TSNARE1: variants seen among roughly 807,000 people sequenced by gnomAD.
The protein encoded by TSNARE1 is t-SNARE domain-containing protein 1.
Under a neutral mutation model 62.0 loss-of-function variants are expected in TSNARE1, and 49 were observed. The ratio of observed to expected loss-of-function variants is 0.79; its 90% confidence interval spans 0.63 to 1.00. The LOEUF (loss-of-function observed/expected upper bound fraction) is 1.00, where lower values mean the gene tolerates loss of function less well. Among genes scored for constraint, TSNARE1 ranks in the 50% least tolerant of loss-of-function variants. The pLI is 0.00. For missense variants in TSNARE1, 755 were observed against 700.1 expected (o/e 1.08, Z -0.88); for synonymous variants, 328 against 294.4 (o/e 1.11, Z -1.17).
At chr8:142,346,942 G>C (rs1024132031) in intron 2 of TSNARE1, among the ~76,000 whole-genome samples, 1 of 152,230 alleles carries the variant, frequency 6.6e-6, no homozygotes. Flanking sequence ...GGACCCCCAC[G>C]AGGTGGGCGA....
chr8:142,364,817 A>AT (rs1313858664), intron 1 of TSNARE1, among the ~76,000 whole-genome samples: 2 of 152,242 alleles, frequency 1.3e-5, no homozygotes, highest in African/African-American at 2.4e-5. Context: ...ATAAAAATTT[A>AT]TGAGTCCACA....
At chr8:142,349,134 C>A (rs796713875) in intron 2 of TSNARE1, among the ~76,000 whole-genome samples, 2 of 152,302 alleles carry the variant, frequency 1.3e-5, no homozygotes, top group African/African-American at 4.8e-5. Flanking sequence ...GCAGCCCCAG[C>A]GCGACGATTT....
chr8:142,284,537 C>A, intron 10 of TSNARE1, 52 bp from the exon 11 acceptor site: 1 of 1,439,356 alleles, frequency 6.9e-7, no homozygotes, highest in Non-Finnish European at 9.4e-7. Context: ...GGGCAGACAC[C>A]AAGGGCACCT....
At chr8:142,218,051 GGGCTC>G (rs879654515) in intron 13 of TSNARE1, among the ~76,000 whole-genome samples, 29 of 82,626 alleles carry the variant, frequency 3.5e-4, no homozygotes, top group Middle Eastern at 5.8e-3. Flanking sequence ...ACCAGGATCA[GGGCTC>G]AGAGTGTGAG....
intron 10 of TSNARE1, among the ~76,000 whole-genome samples, chr8:142,293,681 C>T (rs1472531662): frequency 2.0e-5 from 3 of 152,234 alleles, no homozygotes; most frequent in Non-Finnish European, 2.9e-5. Flanking sequence ...GCTGTCATCC[C>T]TCCCACCAGC....
intron 10 of TSNARE1, among the ~76,000 whole-genome samples, chr8:142,294,922 G>A (rs1241174615): frequency 1.3e-5 from 2 of 152,214 alleles, no homozygotes; most frequent in African/African-American, 2.4e-5. Context: ...CAGAGCCACT[G>A]GCCAGGAGGC....
chr8:142,287,464 T>C (rs374449763), intron 10 of TSNARE1, among the ~76,000 whole-genome samples: 1,198 of 16,846 alleles, frequency 0.071, no homozygotes, highest in Admixed American at 0.11. Flanking sequence ...ACCCAGGACC[T>C]CGGCCAGATC....
chr8:142,319,799 G>A lies in TSNARE1; in HGVS notation c.894-1165C>T, dbSNP rs1829194699. Among the ~76,000 whole-genome samples, 1 of 152,148 alleles carries A rather than the reference G, an allele frequency of 6.6e-6. No homozygotes were observed. The highest frequency in any genetic ancestry group is 1.5e-5 in the Non-Finnish European group (1 of 68,016). On this transcript the variant is annotated intron_variant, in intron 6 of 13. Coordinates refer to ENST00000524325, the MANE Select transcript of TSNARE1 (RefSeq NM_145003.5). The surrounding 1 kb of genome is among the most constrained non-coding windows in gnomAD (Gnocchi z 4.9). ...ACAGAGGAGTAAGACTGCCCCCCCA[G>A]AACAGGCACCCAGCAGGCTAGAGAG... is the stretch of plus-strand genomic sequence containing the variant.
chr8:142,266,430 C>T (rs1249671340), intron 12 of TSNARE1, among the ~76,000 whole-genome samples: 1 of 152,272 alleles, frequency 6.6e-6, no homozygotes, highest in East Asian at 1.9e-4. Context: ...GGTAAGCCCT[C>T]GCAGTTTTTA....
chr8:142,297,659 G>C (rs1308022964), intron 10 of TSNARE1, among the ~76,000 whole-genome samples: 1 of 152,238 alleles, frequency 6.6e-6, no homozygotes, highest in African/African-American at 2.4e-5. Flanking sequence ...CCCTGCGCAG[G>C]CTGCAAAGAT....
intron 1 of TSNARE1, among the ~76,000 whole-genome samples, chr8:142,385,208 A>G (rs1470828603): frequency 6.6e-6 from 1 of 152,144 alleles, no homozygotes; most frequent in East Asian, 1.9e-4. Flanking sequence ...AGGTCAAAAG[A>G]CAATACAGTG....
intron 12 of TSNARE1, among the ~76,000 whole-genome samples, chr8:142,256,048 G>A (rs149214412): frequency 0.019 from 88 of 4,602 alleles, 1 homozygote; most frequent in Non-Finnish European, 0.023. Flanking sequence ...CACCACCACC[G>A]TCACCATCAC....
intron 12 of TSNARE1, among the ~76,000 whole-genome samples, chr8:142,261,116 GGAGA>G (rs146360102): frequency 0.022 from 2,211 of 99,702 alleles, 211 homozygotes; most frequent in African/African-American, 0.099. Flanking sequence ...GAGCAGGGAA[GGAGA>G]GAGAGAGGAG....
At chr8:142,325,705 C>T (rs1370875548) in intron 6 of TSNARE1, among the ~76,000 whole-genome samples, 1 of 152,188 alleles carries the variant, frequency 6.6e-6, no homozygotes, top group African/African-American at 2.4e-5. Context: ...TCTGGGGCCC[C>T]ACTGAGGAGG....
chr8:142,235,871 T>A (rs1817386258), intron 12 of TSNARE1, among the ~76,000 whole-genome samples: 1 of 152,034 alleles, frequency 6.6e-6, no homozygotes, highest in Admixed American at 6.5e-5. Context: ...GAGGGCTTCA[T>A]GCAGGGTGGG....
chr8:142,273,445 G>C (rs1819927410), intron 12 of TSNARE1: 1 of 985,290 alleles, frequency 1.0e-6, no homozygotes, highest in African/African-American at 1.7e-5. Flanking sequence ...TCAGCGACTA[G>C]AGGTGCTGGG....
intron 11 of TSNARE1, chr8:142,276,199 C>T (rs979286739): frequency 1.2e-5 from 12 of 985,340 alleles, no homozygotes; most frequent in African/African-American, 5.2e-5. Flanking sequence ...GCCCAGAGAG[C>T]GGGTATGGGT....
At chr8:142,365,875 A>T in intron 1 of TSNARE1, 1 of 444,836 alleles carries the variant, frequency 2.2e-6, no homozygotes, top group Non-Finnish European at 4.5e-6. Flanking sequence ...TTACTAAAAG[A>T]AAGTGAAGAA....
At chr8:142,307,351 G>A (rs1362859432) in intron 9 of TSNARE1, among the ~76,000 whole-genome samples, 1 of 152,182 alleles carries the variant, frequency 6.6e-6, no homozygotes, top group Non-Finnish European at 1.5e-5. Context: ...ACTGCGTGGG[G>A]GCTGCTATGA....
Sources: allele counts gnomAD v4.1 joint callset (sites outside exome capture counted in the v4.1 genomes callset), GRCh38; gene constraint gnomAD v4.1.1; non-coding constraint Gnocchi (gnomAD v3.1); transcripts MANE v1.5; gene names NCBI Gene and HGNC (gene_info 2026-07-23, HGNC 2026-07-21).